Variants in C3 observed in about 807,000 individuals in gnomAD.
The protein encoded by C3 is C3 and PZP-like alpha-2-macroglobulin domain-containing protein 1.
Under a neutral mutation model 207.9 loss-of-function variants are expected in C3, and 97 were observed. That is an observed-to-expected ratio of 0.47 (90% CI 0.40 to 0.55). The LOEUF (loss-of-function observed/expected upper bound fraction) is 0.55. Among genes scored for constraint, C3 ranks in the 20% least tolerant of loss-of-function variants. C3 has a pLI of 0.00. For missense variants in C3, 1,684 were observed against 2,171.7 expected (o/e 0.78, Z 4.46); for synonymous variants, 848 against 857.6 (o/e 0.99, Z 0.20).
At position 6,694,486 on chromosome 19, in the gene C3, C is replaced by T; in HGVS notation, c.3099G>A (p.Gln1033=). 1 of 1,614,166 alleles carries T rather than the reference C, an allele frequency of 6.2e-7. No homozygotes were observed. Residue 1033 remains glutamine, a synonymous_variant, in exon 24 of 41, where the codon CAG becomes CAA. Coordinates refer to ENST00000245907, the MANE Select transcript of C3 (RefSeq NM_000064.4). ...GCTTCTCTAGGCCGAACTTCTCCCA[C>T]TGCTCCGTTTCATCCAGGTAATGCA... The part of the protein sequence containing the change: ...IAVHYLDETE[Q]WEKFGLEKRQ...
At chr19:6,688,677 C>G (rs1350370937) in intron 27 of C3, among the ~76,000 whole-genome samples, 1 of 152,174 alleles carries the variant, frequency 6.6e-6, no homozygotes, top group Non-Finnish European at 1.5e-5. Context: ...CTCTTGACCC[C>G]AGGAGTCTGG....
chr19:6,696,428 G>A lies in C3; in HGVS notation c.2901C>T (p.Leu967=), dbSNP rs34029609. Residue 967 remains leucine (L), a synonymous_variant, in exon 23 of 41, where the codon CTC becomes CTT. Coordinates refer to ENST00000245907, the MANE Select transcript of C3 (RefSeq NM_000064.4). The part of the protein sequence containing the change: ...VQKEDIPPAD[L]SDQVPDTESE... ...ACTCGGTGTCCGGGACTTGGTCACT[G>A]AGGTCTGCAGGTGGGATGTCCTCTT... 1.6e-3 allele frequency: 2,610 copies of A among 1,613,806 alleles called. 18 individuals carry two copies. Among genetic ancestry groups the A allele is most frequent in the Middle Eastern group, 0.014 (86 of 6,058 alleles).
At chr19:6,710,455 G>C (rs1227381047) in intron 13 of C3, among the ~76,000 whole-genome samples, 184 bp downstream of exon 13, 1 of 139,874 alleles carries the variant, frequency 7.1e-6, no homozygotes, top group Admixed American at 7.0e-5. Flanking sequence ...GAGAGGGAAA[G>C]AGAGATAAAA....
At chr19:6,678,494 G>A in intron 38 of C3, 39 bp from the exon 39 acceptor site, 1 of 1,585,366 alleles carries the variant, frequency 6.3e-7, no homozygotes, top group Non-Finnish European at 8.7e-7. Context: ...GGTGGGCTAG[G>A]TTGACCATGA....
At chr19:6,707,721 G>A (rs1967810318) in intron 15 of C3, 79 bp downstream of exon 15, 1 of 1,598,936 alleles carries the variant, frequency 6.3e-7, no homozygotes, top group Non-Finnish European at 8.5e-7. Context: ...CAGGCCCCCG[G>A]TTTCCAGAGC....
At chr19:6,696,342 C>T in intron 23 of C3, 37 bp downstream of exon 23, 1 of 1,459,400 alleles carries the variant, frequency 6.9e-7, no homozygotes, top group Non-Finnish European at 9.5e-7. Context: ...TCCATGCCCT[C>T]CTGGGACCCA....
chr19:6,688,280 C>T lies in C3; in HGVS notation c.3490-1378G>A, dbSNP rs11569526. Among the ~76,000 whole-genome samples, 1,002 of 151,850 alleles carry T rather than the reference C, an allele frequency of 6.6e-3. 18 individuals carry two copies. Among genetic ancestry groups the T allele is most frequent in the African/African-American group, 0.023 (969 of 41,426 alleles). ...TGCGTAGCTGGGATTACAGGCGCCC[C>T]CCTCCACCATGCCCGGCTAATTTTT... On this transcript the variant is annotated intron_variant, in intron 27 of 40. Transcript: ENST00000245907.
intron 17 of C3, chr19:6,702,861 C>T (rs540055390): frequency 2.9e-5 from 11 of 374,808 alleles, no homozygotes; most frequent in Admixed American, 1.5e-4. Flanking sequence ...TGGTGAAACC[C>T]CATCTCTACT....
chr19:6,695,695 G>C (rs1568216449), intron 23 of C3, among the ~76,000 whole-genome samples: 1 of 151,918 alleles, frequency 6.6e-6, no homozygotes, highest in Non-Finnish European at 1.5e-5. Flanking sequence ...GGCCAGGCTG[G>C]TCTCAAACTC....
intron 4 of C3, chr19:6,717,147 G>A: frequency 6.5e-6 from 1 of 153,188 alleles, no homozygotes; most frequent in Non-Finnish European, 1.5e-5. Flanking sequence ...GGAGGACTTG[G>A]GCTTTGACGC....
chr19:6,700,251 T>C (rs1383885035), intron 19 of C3, among the ~76,000 whole-genome samples: 2 of 133,858 alleles, frequency 1.5e-5, no homozygotes, highest in Non-Finnish European at 3.1e-5. Context: ...CAATATATAA[T>C]ATATTATATA....
chr19:6,696,886 A>C (rs1037474444), intron 21 of C3, among the ~76,000 whole-genome samples: 3 of 150,896 alleles, frequency 2.0e-5, no homozygotes, highest in Non-Finnish European at 4.4e-5. Context: ...CTAAAAATAC[A>C]AAAAAATTAG....
chr19:6,710,894 CG>C, intron 12 of C3, 49 bp from the exon 13 acceptor site: 1 of 1,603,970 alleles, frequency 6.2e-7, no homozygotes. Flanking sequence ...TGGCAGGGAA[CG>C]CAGGGAGGGA....
chr19:6,694,581 G>A lies in C3; in HGVS notation c.3004C>T (p.His1002Tyr), dbSNP rs1227961999. The change falls in exon 24 of 41, where the codon CAC (histidine) becomes TAC (tyrosine). Residue 1002 changes from histidine (H) to tyrosine (Y), a missense_variant. Coordinates refer to ENST00000245907, the MANE Select transcript of C3 (RefSeq NM_000064.4). ...CAGCCCGAGGGGGTCACAATGAGGT[G>A]CTTCAGCCGTTCCGCGTCGACGGCA... is the stretch of plus-strand genomic sequence containing the variant. The part of the protein sequence containing the change: ...EDAVDAERLK[H>Y]LIVTPSGCGE... 4 of 1,613,946 alleles carry A rather than the reference G, an allele frequency of 2.5e-6. No homozygotes were observed. The highest frequency in any genetic ancestry group is 3.4e-6 in the Non-Finnish European group (4 of 1,179,940).
rs747956051 is a variant in C3, at chr19:6,678,328, G to A, written c.4715-41C>T. 6.2e-6 allele frequency: 10 copies of A among 1,614,066 alleles called. 1 individual carries two copies. The highest frequency in any genetic ancestry group is 1.6e-4 in the Middle Eastern group (1 of 6,084). ...GAGGGAAGAAGCTGAGTCGTGGGGA[G>A]GAAGCCAGGGAAGAGCCACGGGAGG... On this transcript the variant is annotated intron_variant, in intron 39 of 40. Coordinates refer to ENST00000245907, the MANE Select transcript of C3 (RefSeq NM_000064.4).
At chr19:6,692,149 C>T (rs1242520672) in intron 26 of C3, among the ~76,000 whole-genome samples, 1 of 152,104 alleles carries the variant, frequency 6.6e-6, no homozygotes. Flanking sequence ...TGTTATCAGC[C>T]TGGAGTGCAG....
rs1180894540 is a variant in C3 at position 6,686,236 on chromosome 19, G to A, written c.3698C>T (p.Thr1233Ile). The change falls in exon 29 of 41, where the codon ACA (threonine) becomes ATA (isoleucine). Residue 1233 changes from threonine to isoleucine, a missense_variant. Thr to Ile is a moderately conservative substitution (Grantham distance 89, BLOSUM62 -1). This residue lies in a region of C3 where 1,280 missense variants were observed against 1,739.1 expected (regional missense o/e 0.74). Transcript: ENST00000245907. The stretch of plus-strand genomic sequence containing the variant: ...CAGTAGGGCCAAGAGGGCATAGGAT[G>A]TGGCCTCCACGTTGTAGAGCTGCTT... ...PGKQLYNVEA[T>I]SYALLALLQL... 3.7e-6 allele frequency: 6 copies of A among 1,614,072 alleles called. No individual in the cohort carries two copies. Among genetic ancestry groups the A allele is most frequent in the Non-Finnish European group, 5.1e-6 (6 of 1,180,026 alleles).
intron 32 of C3, 34 bp from the exon 33 acceptor site, chr19:6,684,473 G>C: frequency 6.3e-7 from 1 of 1,594,126 alleles, no homozygotes. Flanking sequence ...ATGGGAGAGG[G>C]TATACCTGTG....
intron 17 of C3, 128 bp from the exon 18 acceptor site, chr19:6,702,707 AG>A (rs1175713584): frequency 8.2e-6 from 6 of 732,472 alleles, no homozygotes; most frequent in Non-Finnish European, 1.5e-5. Flanking sequence ...AGACCAGCCT[AG>A]CTAACATGGT....
Sources: allele counts gnomAD v4.1 joint callset (sites outside exome capture counted in the v4.1 genomes callset), GRCh38; gene constraint gnomAD v4.1.1; regional missense constraint gnomAD v4.1.1; transcripts MANE v1.5; gene names NCBI Gene and HGNC (gene_info 2026-07-23, HGNC 2026-07-21).